Variants in CDH12 observed in about 807,000 individuals in gnomAD.
The protein encoded by CDH12 is cadherin 12, also known as cadherin-12.
CDH12 carries 41 observed loss-of-function variants against 74.1 expected under a neutral mutation model. The observed-to-expected ratio is 0.55, with a 90% CI of 0.43 to 0.72. The LOEUF is 0.72. CDH12 is among the 30% of genes least tolerant of loss of function. The probability of loss-of-function intolerance (pLI) is 0.00; values close to 1 mark genes in which losing one functional copy is unlikely to be tolerated. For synonymous variants in CDH12, 399 were observed against 355.0 expected, an observed-to-expected ratio of 1.12 and a Z score of -1.39; for missense variants, 945 against 977.2, an observed-to-expected ratio of 0.97 and a Z score of 0.44.
At position 21,751,432 on chromosome 5, in the gene CDH12, A is replaced by T; in HGVS notation, c.*305T>A. 1 of 267,604 alleles carries T rather than the reference A, an allele frequency of 3.7e-6. No individual in the cohort carries two copies. The highest frequency in any genetic ancestry group is 6.4e-5 in the South Asian group (1 of 15,718). 16.6% of individuals were successfully genotyped at this position (267,604 alleles called of 1,614,324 possible). On this transcript the variant is annotated 3_prime_UTR_variant, in exon 15 of 15. Transcript: ENST00000382254. ...TTCGTTCTAGGTTGTCATGTCAGTA[A>T]ATTGTATTGAATAGGCCTGAGCTTG...
chr5:22,624,490 G>A (rs1738165001), intron 1 of CDH12, among the ~76,000 whole-genome samples: 1 of 152,160 alleles, frequency 6.6e-6, no homozygotes, highest in East Asian at 1.9e-4. Flanking sequence ...CCATCAAAAT[G>A]TGGATGAAGG....
chr5:22,233,244 T>C (rs969462121), intron 3 of CDH12, among the ~76,000 whole-genome samples: 7 of 151,888 alleles, frequency 4.6e-5, no homozygotes, highest in African/African-American at 1.7e-4. Flanking sequence ...AGAATGGACA[T>C]ATTAACAATA....
intron 1 of CDH12, among the ~76,000 whole-genome samples, chr5:22,640,626 A>C (rs1739097949): frequency 6.6e-6 from 1 of 151,952 alleles, no homozygotes; most frequent in Non-Finnish European, 1.5e-5. Context: ...CTGTGTTTTT[A>C]TTTTCTTCAT....
At chr5:22,840,137 T>C (rs1737019345) in intron 1 of CDH12, among the ~76,000 whole-genome samples, 1 of 152,188 alleles carries the variant, frequency 6.6e-6, no homozygotes, top group African/African-American at 2.4e-5. Context: ...TGTTGTTTGT[T>C]TGAGAGACAG....
chr5:22,052,201 T>C (rs939794637), intron 5 of CDH12, among the ~76,000 whole-genome samples: 3 of 152,156 alleles, frequency 2.0e-5, no homozygotes, highest in Non-Finnish European at 4.4e-5. Flanking sequence ...CATTTTATTT[T>C]TCTTTGATTT....
chr5:22,015,242 A>T (rs1737530963), intron 5 of CDH12, among the ~76,000 whole-genome samples: 1 of 152,192 alleles, frequency 6.6e-6, no homozygotes, highest in African/African-American at 2.4e-5. Flanking sequence ...TTGTGCCTTT[A>T]CTATTAAAGA....
At chr5:22,151,040 C>T (rs1348988560) in intron 4 of CDH12, among the ~76,000 whole-genome samples, 3 of 152,188 alleles carry the variant, frequency 2.0e-5, no homozygotes, top group African/African-American at 4.8e-5. Flanking sequence ...TTACATAAAT[C>T]ATTAAGGTGT....
chr5:22,267,404 G>C (rs1736173479), intron 3 of CDH12, among the ~76,000 whole-genome samples: 1 of 152,044 alleles, frequency 6.6e-6, no homozygotes, highest in Non-Finnish European at 1.5e-5. Context: ...TTGGTTATTT[G>C]GTTTACGTGA....
intron 9 of CDH12, among the ~76,000 whole-genome samples, chr5:21,816,159 GC>G (rs1233331327): frequency 5.3e-5 from 8 of 152,076 alleles, no homozygotes; most frequent in Admixed American, 5.2e-4. Flanking sequence ...CCCTGACACA[GC>G]AATACCAGCC....
intron 1 of CDH12, among the ~76,000 whole-genome samples, chr5:22,702,479 A>G (rs1742764372): frequency 6.6e-6 from 1 of 152,116 alleles, no homozygotes; most frequent in Admixed American, 6.6e-5. Flanking sequence ...TGCAATACAT[A>G]CAGTCGTTCA....
chr5:21,968,190 T>G (rs1756673674), intron 6 of CDH12, among the ~76,000 whole-genome samples: 1 of 152,234 alleles, frequency 6.6e-6, no homozygotes, highest in Admixed American at 6.5e-5. Context: ...GCTAGTTTTC[T>G]GAGAATGATC....
At chr5:22,409,457 C>G (rs998153169) in intron 2 of CDH12, among the ~76,000 whole-genome samples, 9 of 151,994 alleles carry the variant, frequency 5.9e-5, no homozygotes, top group African/African-American at 2.2e-4. Context: ...CAATTGAAAA[C>G]TAGCTTATTT....
At chr5:22,053,078 T>G (rs955570797) in intron 5 of CDH12, among the ~76,000 whole-genome samples, 3 of 151,930 alleles carry the variant, frequency 2.0e-5, no homozygotes, top group African/African-American at 4.8e-5. Flanking sequence ...TTTTGTTTTT[T>G]TTTTTTAAAT....
At chr5:22,106,734 C>A (rs901633944) in intron 4 of CDH12, among the ~76,000 whole-genome samples, 1 of 152,134 alleles carries the variant, frequency 6.6e-6, no homozygotes, top group Non-Finnish European at 1.5e-5. Context: ...AAAGAATATC[C>A]CTCCAACAGT....
At chr5:21,835,728 CATTTCTTTAAAAAAA>C (rs1561228136) in intron 8 of CDH12, among the ~76,000 whole-genome samples, 1 of 151,564 alleles carries the variant, frequency 6.6e-6, no homozygotes, top group African/African-American at 2.4e-5. Context: ...TTTTAAAAAA[CATTTCTTTAAAAAAA>C]AGACCTATGG....
intron 1 of CDH12, among the ~76,000 whole-genome samples, chr5:22,759,352 T>G (rs1230385052): frequency 5.9e-5 from 9 of 152,214 alleles, no homozygotes; most frequent in Admixed American, 5.2e-4. Flanking sequence ...TTCCTGTCCT[T>G]ATGCTAAACA....
At chr5:22,498,901 C>CTTTTTTTTTTTTTTTTTTTTTTTTTTTT (rs34550762) in intron 2 of CDH12, among the ~76,000 whole-genome samples, 1 of 73,434 alleles carries the variant, frequency 1.4e-5, no homozygotes, top group Non-Finnish European at 2.6e-5. Flanking sequence ...TTTTCTGTTT[C>CTTTTTTTTTTTTTTTTTTTTTTTTTTTT]TTTTTTTTTT....
At chr5:22,284,620 A>C (rs775193783) in intron 3 of CDH12, among the ~76,000 whole-genome samples, 3 of 152,168 alleles carry the variant, frequency 2.0e-5, no homozygotes, top group Non-Finnish European at 4.4e-5. Context: ...TGCAAGTTAC[A>C]CTTAACCTAT....
chr5:22,145,055 C>T (rs1180569254), intron 4 of CDH12, among the ~76,000 whole-genome samples: 1 of 152,010 alleles, frequency 6.6e-6, no homozygotes, highest in African/African-American at 2.4e-5. Context: ...CAGAAGAAGA[C>T]ACTAAGGTTT....
Sources: gnomAD v4.1 joint callset for allele counts (sites outside exome capture counted in the v4.1 genomes callset) on GRCh38, gnomAD v4.1.1 for gene constraint, MANE v1.5 for transcripts, NCBI Gene and HGNC (gene_info 2026-07-23, HGNC 2026-07-21) for gene names.